PRDM1: variants seen among roughly 807,000 people sequenced by gnomAD.
The protein encoded by PRDM1 is PR domain zinc finger protein 1.
PRDM1 carries 13 observed loss-of-function variants against 62.8 expected under a neutral mutation model. The observed-to-expected ratio is 0.21, with a 90% CI of 0.13 to 0.33. The LOEUF (loss-of-function observed/expected upper bound fraction) is 0.33. Ranked by LOEUF, PRDM1 falls within the 10% of genes least tolerant of loss-of-function variation. The probability of loss-of-function intolerance (pLI) is 1.00; values close to 1 mark genes in which losing one functional copy is unlikely to be tolerated. For synonymous variants in PRDM1, 396 were observed against 417.6 expected (o/e 0.95, Z 0.63); for missense variants, 895 against 1,058.8 (o/e 0.85, Z 2.15).
At chr6:106,004,199 G>C (rs578081415) in intron 1 of PRDM1, among the ~76,000 whole-genome samples, 1 of 152,122 alleles carries the variant, frequency 6.6e-6, no homozygotes, top group African/African-American at 2.4e-5. Flanking sequence ...CAAAGTTTTT[G>C]ATAGGCATCT....
chr6:106,048,959 G>A (rs1387255864), intron 1 of PRDM1, among the ~76,000 whole-genome samples: 1 of 152,048 alleles, frequency 6.6e-6, no homozygotes. Flanking sequence ...GGGATTACAG[G>A]CATGTGCCAC....
intron 1 of PRDM1, among the ~76,000 whole-genome samples, chr6:106,065,119 G>C (rs1028220172): frequency 3.3e-5 from 5 of 152,038 alleles, no homozygotes; most frequent in Non-Finnish European, 4.4e-5. Context: ...TAGTCTTTTT[G>C]TTGATCTTAT....
chr6:106,043,780 C>T (rs1177913302), upstream of PRDM1, among the ~76,000 whole-genome samples: 9 of 152,126 alleles, frequency 5.9e-5, no homozygotes, highest in African/African-American at 1.7e-4. Context: ...GTGATCCGCC[C>T]GCCTCAGACT....
intron 1 of PRDM1, among the ~76,000 whole-genome samples, chr6:106,026,348 G>A (rs914616710): frequency 1.6e-4 from 25 of 152,140 alleles, no homozygotes; most frequent in African/African-American, 4.3e-4. Context: ...GTATGGTGGC[G>A]CGTGCCTGTA....
intron 4 of PRDM1, among the ~76,000 whole-genome samples, chr6:106,099,873 C>T (rs1010006265): frequency 6.6e-6 from 1 of 152,156 alleles, no homozygotes; most frequent in Admixed American, 6.5e-5. Flanking sequence ...AGACATGCTG[C>T]GTATGCAAGG....
chr6:106,087,842 C>A (rs949095767), intron 1 of PRDM1: 16 of 241,202 alleles, frequency 6.6e-5, no homozygotes, highest in African/African-American at 3.5e-4. Flanking sequence ...GAGGGTCTGG[C>A]GGCCATGACC....
At chr6:106,005,991 T>C (rs534582163) in intron 1 of PRDM1, among the ~76,000 whole-genome samples, 1 of 152,332 alleles carries the variant, frequency 6.6e-6, no homozygotes, top group Admixed American at 6.5e-5. Context: ...ACAGACTGGT[T>C]TTGTGACTCT....
intron 1 of PRDM1, among the ~76,000 whole-genome samples, chr6:106,078,034 T>C (rs1268076377): frequency 6.6e-6 from 1 of 152,232 alleles, no homozygotes. Flanking sequence ...CAGATAAATC[T>C]ACTTCCTGCG....
intron 1 of PRDM1, among the ~76,000 whole-genome samples, chr6:106,033,866 G>A (rs1306995916): frequency 6.6e-6 from 1 of 151,974 alleles, no homozygotes; most frequent in Non-Finnish European, 1.5e-5. Flanking sequence ...AAGCCATCAG[G>A]TTCAGGGCTT....
In PRDM1 at chr6:106,107,108, T is replaced by C. The variant is rs755334822; in HGVS notation, c.2100T>C (p.Cys700=). The change falls in exon 7 of 7, where the codon TGT becomes TGC. Residue 700 remains cysteine, a synonymous_variant. Transcript: ENST00000369096. ...GCCACAAGAACTACATCCATCTCTG[T>C]AGCCTCAAGGTTCACCTGAAAGGGA... is the stretch of plus-strand genomic sequence containing the variant. ...SQCHKNYIHL[C]SLKVHLKGNC... 4.3e-6 allele frequency: 7 copies of C among 1,614,228 alleles called. No homozygotes were observed. The highest frequency in any genetic ancestry group is 5.1e-6 in the Non-Finnish European group (6 of 1,180,040).
chr6:106,099,700 C>T (rs1055354201), intron 4 of PRDM1, 148 bp downstream of exon 4: 10 of 1,062,514 alleles, frequency 9.4e-6, no homozygotes, highest in Non-Finnish European at 1.3e-5. Context: ...AGAGGAAAAA[C>T]ATTTTTTGAG....
chr6:106,079,754 T>C (rs962609608), intron 1 of PRDM1, among the ~76,000 whole-genome samples: 3 of 152,332 alleles, frequency 2.0e-5, no homozygotes, highest in African/African-American at 7.2e-5. Flanking sequence ...GCCAAGATCA[T>C]GCCATTGCAC....
In PRDM1 at chr6:106,034,887, C is replaced by T. The variant is rs569660473; in HGVS notation, c.-67+41248C>T. On this transcript the variant is annotated intron_variant, in intron 1 of 6. Transcript: ENST00000652320. ...CCTCAGGTGATCTACCTGCCTTAGC[C>T]TCCCAAAGTGCTGGGAGGATTACAG... is the stretch of plus-strand genomic sequence containing the variant. Among the ~76,000 whole-genome samples the T allele has an allele frequency of 9.2e-5, 14 of 152,264 alleles. No individual in the cohort carries two copies. The East Asian group carries it at 2.7e-3, about 29-fold the overall frequency.
intron 1 of PRDM1, among the ~76,000 whole-genome samples, chr6:106,041,691 C>A (rs1400096965): frequency 1.3e-5 from 2 of 152,046 alleles, no homozygotes; most frequent in African/African-American, 4.8e-5. Context: ...AAAAGTTTGA[C>A]CGTATAATAA....
chr6:106,024,462 G>A (rs963246900), intron 1 of PRDM1, among the ~76,000 whole-genome samples: 19 of 152,158 alleles, frequency 1.2e-4, no homozygotes, highest in African/African-American at 4.3e-4. Context: ...GTGTGGTAAC[G>A]ATGACAGATT....
chr6:106,074,659 G>A (rs980042456), intron 1 of PRDM1, among the ~76,000 whole-genome samples: 56 of 152,272 alleles, frequency 3.7e-4, no homozygotes, highest in African/African-American at 1.3e-3. Flanking sequence ...AGAATATTGG[G>A]TTGGGGGACG....
intron 1 of PRDM1, among the ~76,000 whole-genome samples, chr6:106,060,183 A>C (rs528246114): frequency 1.3e-5 from 2 of 152,334 alleles, no homozygotes; most frequent in African/African-American, 4.8e-5. Flanking sequence ...CTTTTCAAAA[A>C]GGAAAATGAG....
chr6:106,070,602 C>T (rs1773495047), intron 1 of PRDM1, among the ~76,000 whole-genome samples: 1 of 152,044 alleles, frequency 6.6e-6, no homozygotes, highest in Non-Finnish European at 1.5e-5. Flanking sequence ...TTATAAATCT[C>T]TAAGGCTCTT....
chr6:106,076,495 C>T (rs145536579), intron 1 of PRDM1, among the ~76,000 whole-genome samples: 34 of 152,208 alleles, frequency 2.2e-4, no homozygotes, highest in African/African-American at 7.0e-4. Context: ...TTTTAAAAAA[C>T]ATGTAAGCTG....
Sources: gnomAD v4.1 joint callset for allele counts (sites outside exome capture counted in the v4.1 genomes callset) on GRCh38, gnomAD v4.1.1 for gene constraint, MANE v1.5 for transcripts, NCBI Gene and HGNC (gene_info 2026-07-23, HGNC 2026-07-21) for gene names.